The following RGS12 variants were observed in gnomAD, a reference collection of about 807,000 sequenced individuals.
RGS12 encodes the protein regulator of G protein signaling 12.
RGS12 carries 66 observed loss-of-function variants against 120.1 expected under a neutral mutation model. The observed-to-expected ratio is 0.55, with a 90% CI of 0.45 to 0.67. The LOEUF (loss-of-function observed/expected upper bound fraction) is 0.67. Ranked by LOEUF, RGS12 falls within the 30% of genes least tolerant of loss-of-function variation. The probability of loss-of-function intolerance (pLI) is 0.00; values close to 1 mark genes in which losing one functional copy is unlikely to be tolerated. For synonymous variants in RGS12, 827 were observed against 804.7 expected (o/e 1.03, Z -0.47); for missense variants, 1,859 against 1,957.7 (o/e 0.95, Z 0.95).
intron 5 of RGS12, 143 bp downstream of exon 5, chr4:3,414,384 G>T (rs747903343): frequency 2.2e-6 from 2 of 925,056 alleles, no homozygotes; most frequent in Non-Finnish European, 3.1e-6. Context: ...TCCCTGGACC[G>T]CCACCCTCTC....
chr4:3,343,098 A>G, intron 3 of RGS12, 45 bp downstream of exon 3: 1 of 1,425,214 alleles, frequency 7.0e-7, no homozygotes, highest in Non-Finnish European at 9.9e-7. Context: ...CAAGTTTTAA[A>G]AAATGCAAGT....
At chr4:3,311,381 C>T (rs191110862) in intron 1 of RGS12, among the ~76,000 whole-genome samples, 2 of 152,250 alleles carry the variant, frequency 1.3e-5, no homozygotes, top group Non-Finnish European at 2.9e-5. Context: ...GAGGTTTTAA[C>T]TTTAGAAGGG....
chr4:3,395,652 T>C (rs1321687539), intron 4 of RGS12, among the ~76,000 whole-genome samples: 1 of 152,238 alleles, frequency 6.6e-6, no homozygotes, highest in Non-Finnish European at 1.5e-5. Context: ...TAGTTTTAGT[T>C]CTCAGTCCCC....
In RGS12 at chr4:3,422,477, G is replaced by A. The variant is rs148395152; in HGVS notation, c.2940G>A (p.Ala980=). The A allele has an allele frequency of 1.4e-4, 233 of 1,612,944 alleles. No individual in the cohort carries two copies. The highest frequency in any genetic ancestry group is 1.9e-4 in the Non-Finnish European group (224 of 1,179,990). ...CATCCTGCGTGGTGGCTGTCAAGGC[G>A]GGCTTCTCCATCAAAGACATCCTGT... ...DGTSCVVAVK[A]GFSIKDILSG... The change falls in exon 11 of 18, where the codon GCG becomes GCA. Residue 980 remains alanine (A), a synonymous_variant. Transcript: ENST00000336727.
chr4:3,332,752 G>A (rs988178764), intron 2 of RGS12, among the ~76,000 whole-genome samples: 2 of 152,164 alleles, frequency 1.3e-5, no homozygotes, highest in African/African-American at 4.8e-5. Context: ...TCCCTGCCCC[G>A]GGCATGACTC....
At position 3,420,731 on chromosome 4, in the gene RGS12, C is replaced by T; in HGVS notation, c.2838+13C>T. On this transcript the variant is annotated intron_variant, in intron 10 of 17. Transcript: ENST00000336727. ...GAGCCTGGACCTGGTGAGTCACTGT[C>T]TCCCCTCGTCCCACAGGCCTCAGGG... The T allele has an allele frequency of 6.2e-7, 1 of 1,609,020 alleles. No homozygotes were observed. Among genetic ancestry groups the T allele is most frequent in the East Asian group, 2.2e-5 (1 of 44,854 alleles).
At chr4:3,352,944 G>A (rs973404941) in intron 3 of RGS12, among the ~76,000 whole-genome samples, 1 of 152,192 alleles carries the variant, frequency 6.6e-6, no homozygotes, top group Non-Finnish European at 1.5e-5. Context: ...CAAGAGTTGT[G>A]AGTTAAAATA....
At chr4:3,378,721 T>G (rs1717946031) in intron 3 of RGS12, 1 of 152,188 alleles carries the variant, frequency 6.6e-6, no homozygotes, top group African/African-American at 2.4e-5. Flanking sequence ...ACTGCATGTC[T>G]GTAGAATGGT....
chr4:3,360,129 A>G (rs910324251), intron 3 of RGS12, among the ~76,000 whole-genome samples: 4 of 152,172 alleles, frequency 2.6e-5, no homozygotes, highest in Non-Finnish European at 5.9e-5. Context: ...CATTTCATCT[A>G]GGTTATCCAA....
At chr4:3,429,395 C>T (rs554324658) in intron 16 of RGS12, among the ~76,000 whole-genome samples, 4 of 152,340 alleles carry the variant, frequency 2.6e-5, no homozygotes, top group South Asian at 2.1e-4. Flanking sequence ...TGGCGTGTCA[C>T]GGCTTTGTCA....
At chr4:3,438,361 C>T (rs919308025) in intron 17 of RGS12, among the ~76,000 whole-genome samples, 32 of 152,034 alleles carry the variant, frequency 2.1e-4, no homozygotes, top group Non-Finnish European at 2.9e-4. Context: ...TCACCCCCAC[C>T]GCACAGATGG....
At chr4:3,415,154 CGT>C (rs1202727830) in intron 6 of RGS12, among the ~76,000 whole-genome samples, 7 of 103,204 alleles carry the variant, frequency 6.8e-5, no homozygotes, top group African/African-American at 3.9e-5. Flanking sequence ...GAGAGGGCCG[CGT>C]GTGTGTGAGG....
At chr4:3,386,513 T>A (rs1198016742) in intron 4 of RGS12, 76 bp downstream of exon 4, 3 of 1,299,280 alleles carry the variant, frequency 2.3e-6, no homozygotes, top group Non-Finnish European at 3.3e-6. Flanking sequence ...ATTTGCCATT[T>A]GATGCCCTCA....
intron 2 of RGS12, among the ~76,000 whole-genome samples, chr4:3,335,533 C>T (rs1712350588): frequency 6.6e-6 from 1 of 152,166 alleles, no homozygotes; most frequent in Non-Finnish European, 1.5e-5. Context: ...AGGGGCGCTC[C>T]CCGGAGCTGG....
intron 1 of RGS12, among the ~76,000 whole-genome samples, chr4:3,308,131 T>C (rs975129777): frequency 1.3e-5 from 2 of 152,334 alleles, no homozygotes; most frequent in South Asian, 2.1e-4. Context: ...TGCCCGTCCA[T>C]CTGGTGCTGC....
At chr4:3,425,254 G>C (rs375461086) in intron 13 of RGS12, among the ~76,000 whole-genome samples, 1 of 152,038 alleles carries the variant, frequency 6.6e-6, no homozygotes, top group Non-Finnish European at 1.5e-5. Flanking sequence ...TGATTCCATC[G>C]AGCTTAGGAT....
At chr4:3,399,616 G>A (rs1720380750) in intron 4 of RGS12, among the ~76,000 whole-genome samples, 1 of 152,194 alleles carries the variant, frequency 6.6e-6, no homozygotes, top group South Asian at 2.1e-4. Context: ...AAATATAAAT[G>A]ATCAAAGTTG....
At position 3,353,639 on chromosome 4, in the gene RGS12, CT is replaced by C. The variant is rs1460150030; in HGVS notation, c.1998+10590del. On this transcript the variant is annotated intron_variant, in intron 3 of 17. Transcript: ENST00000336727. The stretch of plus-strand genomic sequence containing the variant: ...GACTGTGCCACGGGCTTCTCCTTGA[CT>C]TTTCCAGCTTAGTAGCTCTTACCTA... Among the ~76,000 whole-genome samples the C allele has an allele frequency of 5.3e-5, 8 of 152,268 alleles. No homozygotes were observed. The East Asian group carries it at 1.4e-3, about 26-fold the overall frequency.
At position 3,416,057 on chromosome 4, in the gene RGS12, C is replaced by T; in HGVS notation, c.2363C>T (p.Ala788Val). ...ACCCCGGTCAACATCGACAGCCAGGCCCAGCTAGCAGACGACGTCCTCCGC... is the reference window on the plus strand; with the variant it reads ...ACCCCGGTCAACATCGACAGCCAGGTCCAGCTAGCAGACGACGTCCTCCGC... ...ATTPVNIDSQ[A>V]QLADDVLRAP... The change falls in exon 7 of 18, where the codon GCC (alanine) becomes GTC (valine). Residue 788 changes from alanine to valine, a missense_variant. Transcript: ENST00000336727. 1 of 1,614,060 alleles carries T rather than the reference C, an allele frequency of 6.2e-7. No homozygotes were observed. The highest frequency in any genetic ancestry group is 1.3e-5 in the African/African-American group (1 of 75,022).
Sources: gnomAD v4.1 joint callset for allele counts (sites outside exome capture counted in the v4.1 genomes callset) on GRCh38, gnomAD v4.1.1 for gene constraint, MANE v1.5 for transcripts, NCBI Gene and HGNC (gene_info 2026-07-23, HGNC 2026-07-21) for gene names.